Variants in SLC6A16 observed in about 807,000 individuals in gnomAD.
SLC6A16 encodes orphan sodium- and chloride-dependent neurotransmitter transporter NTT5.
Under a neutral mutation model 65.4 loss-of-function variants are expected in SLC6A16, and 54 were observed. That is an observed-to-expected ratio of 0.83 (90% CI 0.66 to 1.04). The LOEUF is 1.04. Ranked by LOEUF, SLC6A16 falls within the 50% of genes least tolerant of loss-of-function variation. The pLI is 0.00. For synonymous variants in SLC6A16, 330 were observed against 346.5 expected, an observed-to-expected ratio of 0.95 and a Z score of 0.53; for missense variants, 816 against 914.0, an observed-to-expected ratio of 0.89 and a Z score of 1.38.
chr19:49,319,489 A>G (rs1970673068), intron 1 of SLC6A16, among the ~76,000 whole-genome samples: 1 of 150,712 alleles, frequency 6.6e-6, no homozygotes, highest in East Asian at 1.9e-4. Flanking sequence ...ATATACATAT[A>G]CTTATACATA....
upstream of SLC6A16, among the ~76,000 whole-genome samples, chr19:49,326,169 C>CAA (rs544859156): frequency 7.8e-6 from 1 of 128,050 alleles, no homozygotes; most frequent in African/African-American, 2.9e-5. Flanking sequence ...GACTCCGTCT[C>CAA]AAAAAAAAAA....
In SLC6A16 at chr19:49,311,093, C is replaced by A. The variant is rs372873509; in HGVS notation, c.255G>T (p.Thr85=). 4 of 1,614,184 alleles carry A rather than the reference C, an allele frequency of 2.5e-6. No individual in the cohort carries two copies. The highest frequency in any genetic ancestry group is 2.2e-5 in the East Asian group (1 of 44,884). ...LTASALNQKP[T]HEKVQMTEKK... Reference sequence around the variant, plus strand: ...TCTCTGTCATCTGCACCTTCTCATGCGTGGGTTTCTGGTTCAGGGCTGAGG... The same window carrying A: ...TCTCTGTCATCTGCACCTTCTCATGAGTGGGTTTCTGGTTCAGGGCTGAGG... Residue 85 remains threonine, a synonymous_variant, in exon 2 of 12, where the codon ACG becomes ACT. Coordinates refer to ENST00000335875, the MANE Select transcript of SLC6A16 (RefSeq NM_014037.3).
chr19:49,322,817 C>CTTGTTTT (rs1970734921), intron 1 of SLC6A16, among the ~76,000 whole-genome samples: 1 of 41,970 alleles, frequency 2.4e-5, no homozygotes, highest in Non-Finnish European at 4.5e-5. Flanking sequence ...GAATTAGTAG[C>CTTGTTTT]TTTTTTTTTT....
At chr19:49,300,830 T>C (rs1485198543) in intron 7 of SLC6A16, among the ~76,000 whole-genome samples, 1 of 152,030 alleles carries the variant, frequency 6.6e-6, no homozygotes, top group Admixed American at 6.6e-5. Flanking sequence ...GGCGGGAGGA[T>C]CACTTGAGGT....
At chr19:49,299,293 C>T (rs1454974675) in intron 7 of SLC6A16, among the ~76,000 whole-genome samples, 2 of 150,864 alleles carry the variant, frequency 1.3e-5, no homozygotes, top group African/African-American at 4.9e-5. Context: ...CGGGCTCATG[C>T]CTGTAATCCC....
At chr19:49,339,816 G>A in the SLC6A16 span, 1 of 1,347,406 alleles carries the variant, frequency 7.4e-7, no homozygotes, top group East Asian at 3.1e-5. This position sits in a 1 kb window ranked among gnomAD's most constrained non-coding sequence, Gnocchi z 4.5. Flanking sequence ...GCTGGGGCAT[G>A]GCGGGTGCCT....
intron 1 of SLC6A16, among the ~76,000 whole-genome samples, chr19:49,324,809 A>C (rs1414454476): frequency 6.6e-6 from 1 of 152,208 alleles, no homozygotes; most frequent in African/African-American, 2.4e-5. Context: ...AATTGGCTCA[A>C]ACTCGGACTG....
chr19:49,335,509 G>A, the SLC6A16 span: 3 of 1,538,570 alleles, frequency 1.9e-6, no homozygotes, highest in Non-Finnish European at 9.0e-7. This position sits in a 1 kb window ranked among gnomAD's most constrained non-coding sequence, Gnocchi z 4.6. Context: ...TCTTCTGTGT[G>A]GTGAGTGGAC....
At chr19:49,309,495 G>A in intron 5 of SLC6A16, 84 bp from the exon 6 acceptor site, 1 of 1,310,838 alleles carries the variant, frequency 7.6e-7, no homozygotes, top group South Asian at 1.2e-5. Context: ...TTCTGAGTCA[G>A]AAATGAGTAG....
chr19:49,322,608 T>C (rs1006083598), intron 1 of SLC6A16, among the ~76,000 whole-genome samples: 2 of 130,600 alleles, frequency 1.5e-5, no homozygotes, highest in African/African-American at 3.0e-5. Context: ...CACTCCAACC[T>C]GGGCAACAAG....
chr19:49,293,458 C>A (rs1012255620), intron 9 of SLC6A16, 76 bp from the exon 10 acceptor site: 2 of 1,453,930 alleles, frequency 1.4e-6, no homozygotes, highest in Admixed American at 1.8e-5. Flanking sequence ...GGCCATAGAC[C>A]AGGGCTGGTG....
At chr19:49,335,478 G>C in the SLC6A16 span, 23 of 1,136,060 alleles carry the variant, frequency 2.0e-5, no homozygotes, top group Non-Finnish European at 2.8e-5. The surrounding 1 kb of genome is among the most constrained non-coding windows in gnomAD (Gnocchi z 4.6). Context: ...CTTTCTCCCT[G>C]TCTCCCCCAC....
intron 5 of SLC6A16, 98 bp downstream of exon 5, chr19:49,309,553 A>C (rs1970467583): frequency 7.5e-7 from 1 of 1,329,512 alleles, no homozygotes; most frequent in African/African-American, 1.5e-5. Context: ...GGGGAGTAAA[A>C]GCCAAAGGAG....
the SLC6A16 span, among the ~76,000 whole-genome samples, chr19:49,332,515 A>G: frequency 6.6e-6 from 1 of 152,064 alleles, no homozygotes; most frequent in Admixed American, 6.5e-5. Context: ...CCGAGATCAC[A>G]CCACAGCACT....
the SLC6A16 span, chr19:49,340,157 G>A: frequency 4.7e-6 from 6 of 1,286,700 alleles, no homozygotes; most frequent in East Asian, 3.2e-5. Context: ...CCCAATTCAC[G>A]GCCCCACCCC....
At chr19:49,320,347 G>A (rs1405489762) in intron 1 of SLC6A16, among the ~76,000 whole-genome samples, 2 of 151,490 alleles carry the variant, frequency 1.3e-5, no homozygotes, top group Non-Finnish European at 2.9e-5. Flanking sequence ...GGCGGAGGTT[G>A]CAGTGAGCCG....
intron 1 of SLC6A16, among the ~76,000 whole-genome samples, chr19:49,316,870 A>AAAAAT (rs1259689136): frequency 1.3e-5 from 2 of 151,664 alleles, no homozygotes; most frequent in Non-Finnish European, 2.9e-5. Flanking sequence ...AAAAAAAAAA[A>AAAAAT]AAAAATTAAA....
At chr19:49,335,339 C>T in the SLC6A16 span, 1 of 597,724 alleles carries the variant, frequency 1.7e-6, no homozygotes, top group Non-Finnish European at 3.0e-6. The surrounding 1 kb of genome is among the most constrained non-coding windows in gnomAD (Gnocchi z 4.6). Context: ...GAGACAGGGA[C>T]AGAGAGAGAG....
chr19:49,310,283 C>A, intron 3 of SLC6A16, 70 bp downstream of exon 3: 1 of 1,604,202 alleles, frequency 6.2e-7, no homozygotes, highest in South Asian at 1.1e-5. Flanking sequence ...TCACAGGGCG[C>A]ATTTCAGGAG....
Sources: allele counts gnomAD v4.1 joint callset (sites outside exome capture counted in the v4.1 genomes callset), GRCh38; gene constraint gnomAD v4.1.1; non-coding constraint Gnocchi (gnomAD v3.1); transcripts MANE v1.5; gene names NCBI Gene and HGNC (gene_info 2026-07-23, HGNC 2026-07-21).